ZSCAN20: variants seen among roughly 807,000 people sequenced by gnomAD.
The protein encoded by ZSCAN20 is zinc finger and SCAN domain-containing protein 20.
Under a neutral mutation model 97.1 loss-of-function variants are expected in ZSCAN20, and 39 were observed. That is an observed-to-expected ratio of 0.40 (90% confidence interval 0.31 to 0.52). ZSCAN20 has a LOEUF of 0.52. ZSCAN20 is among the 20% of genes least tolerant of loss of function. ZSCAN20 has a pLI of 0.49. For missense variants in ZSCAN20, 1,115 were observed against 1,290.4 expected, an observed-to-expected ratio of 0.86 and a Z score of 2.08; for synonymous variants, 456 against 467.3, an observed-to-expected ratio of 0.98 and a Z score of 0.31.
At position 33,495,591 on chromosome 1, in the gene ZSCAN20, T is replaced by C; in HGVS notation, c.*115T>C. The C allele has an allele frequency of 3.0e-6, 3 of 1,004,134 alleles. No individual in the cohort carries two copies. Among genetic ancestry groups the C allele is most frequent in the Non-Finnish European group, 4.0e-6 (3 of 746,358 alleles). 62.2% of individuals were successfully genotyped at this position (1,004,134 alleles called of 1,614,324 possible). A position where few individuals can be genotyped will look rare whatever the true frequency, so the allele number is the denominator to read the frequency against. ...GCTTGGTGTGTACCCAGGGAAGTTATCTTGGTATAAACCAGGTAATTTGGA... is the reference window on the plus strand; with the variant it reads ...GCTTGGTGTGTACCCAGGGAAGTTACCTTGGTATAAACCAGGTAATTTGGA... On this transcript the variant is annotated 3_prime_UTR_variant, in exon 8 of 8. Coordinates refer to ENST00000684572, the MANE Select transcript of ZSCAN20 (RefSeq NM_001377376.1).
rs1652858894 is a variant in ZSCAN20 at position 33,496,233 on chromosome 1, T to C, written c.*757T>C. The C allele has an allele frequency of 6.6e-6, 1 of 152,222 alleles. No homozygotes were observed. Among genetic ancestry groups the C allele is most frequent in the Non-Finnish European group, 1.5e-5 (1 of 68,042 alleles). 9.4% of individuals were successfully genotyped at this position (152,222 alleles called of 1,614,324 possible). ...CTGTCTTGAGTCTATCGTGCTCTTA[T>C]TGCTATACTGAATTCCCATTCATGT... On this transcript the variant is annotated 3_prime_UTR_variant, in exon 8 of 8. Coordinates refer to ENST00000684572, the MANE Select transcript of ZSCAN20 (RefSeq NM_001377376.1).
Position 33,479,260 on chromosome 1 carries a change from T to G in ZSCAN20, c.-29T>G, listed in dbSNP as rs752014447. 63 of 1,567,246 alleles carry G rather than the reference T, an allele frequency of 4.0e-5. No homozygotes were observed. Among genetic ancestry groups the G allele is most frequent in the Non-Finnish European group, 5.5e-5 (63 of 1,154,740 alleles). ...AGGAAGACATTGGATGAGGTCAGCA[T>G]AGCTGAAGTGAGGTGTCTGGGTTAG... On this transcript the variant is annotated 5_prime_UTR_variant, in exon 2 of 8. An upstream open reading frame in the 5' UTR loses its in-frame stop. Coordinates refer to ENST00000684572, the MANE Select transcript of ZSCAN20 (RefSeq NM_001377376.1).
Position 33,497,203 on chromosome 1 carries a change from C to G in ZSCAN20, c.*1727C>G, listed in dbSNP as rs72660149. 6.6e-6 allele frequency among the ~76,000 whole-genome samples: 1 copy of G among 152,276 alleles called. No individual in the cohort carries two copies. The highest frequency in any genetic ancestry group is 1.5e-5 in the Non-Finnish European group (1 of 68,022). On this transcript the variant is annotated 3_prime_UTR_variant, in exon 8 of 8. Transcript: ENST00000684572. ...GTGATATCCCTTCTTAACCCCTTCC[C>G]CTGCTTCAGAACCTCCTTTCCCAAG...
rs188374451 is a variant in ZSCAN20 at position 33,474,623 on chromosome 1, G to C, written c.-111+1932G>C. Among the ~76,000 whole-genome samples the C allele has an allele frequency of 2.0e-4, 31 of 152,330 alleles. No individual in the cohort carries two copies. In the East Asian group the frequency reaches 5.8e-3, roughly 28 times the overall value. On this transcript the variant is annotated intron_variant, in intron 1 of 7. Transcript: ENST00000684572. ...AAGAGAGCTTTGAGATCACTTAGCTGAATCTAAGTGGCAAAGCGACAGCCC... is the reference window on the plus strand; with the variant it reads ...AAGAGAGCTTTGAGATCACTTAGCTCAATCTAAGTGGCAAAGCGACAGCCC...
rs1336297420 is a variant in ZSCAN20, at chr1:33,499,653, C to A, written c.*4177C>A. Among the ~76,000 whole-genome samples, 1 of 152,210 alleles carries A rather than the reference C, an allele frequency of 6.6e-6. No homozygotes were observed. Among genetic ancestry groups the A allele is most frequent in the Non-Finnish European group, 1.5e-5 (1 of 68,042 alleles). On this transcript the variant is annotated 3_prime_UTR_variant, in exon 8 of 8. Transcript: ENST00000684572. ...GACTCAGTTCTGCCAATACTTTCTC[C>A]CTTCTAAGAGCATTTCCAGTTGGGC...
In ZSCAN20 at chr1:33,489,240, C is replaced by T. The variant is rs1481332825; in HGVS notation, c.681+49C>T. On this transcript the variant is annotated intron_variant, in intron 4 of 7. Coordinates refer to ENST00000684572, the MANE Select transcript of ZSCAN20 (RefSeq NM_001377376.1). Reference sequence around the variant, plus strand: ...TTCCTGTCATTGCTGCTCCTGTGCTCTTGCCCCCACAGTGTTCCTCCTCTC... The same window carrying T: ...TTCCTGTCATTGCTGCTCCTGTGCTTTTGCCCCCACAGTGTTCCTCCTCTC... 2.5e-6 allele frequency: 4 copies of T among 1,568,884 alleles called. No homozygotes were observed. In the African/African-American group the frequency reaches 4.0e-5, roughly 16 times the overall value.
chr1:33,472,771 G>A (rs912546040), intron 1 of ZSCAN20, 80 bp downstream of exon 1: 1 of 152,106 alleles, frequency 6.6e-6, no homozygotes, highest in East Asian at 1.9e-4. Flanking sequence ...TGACACAGGG[G>A]GCTGGGGAAG....
chr1:33,493,582 C>T lies in ZSCAN20; in HGVS notation c.1840C>T (p.Pro614Ser). ...GEVANEDAVK[P>S]STLCPKAPDM... ...AGTGGCCAATGAAGATGCTGTCAAA[C>T]CTTCAACCTTGTGTCCTAAAGCCCC... Residue 614 changes from proline to serine, a missense_variant, in exon 7 of 8, where the codon CCT becomes TCT. Physicochemically the swap from Pro to Ser is moderately conservative, Grantham distance 74 (BLOSUM62 -1). Coordinates refer to ENST00000684572, the MANE Select transcript of ZSCAN20 (RefSeq NM_001377376.1). The surrounding 1 kb of genome is among the most constrained non-coding windows in gnomAD (Gnocchi z 4.3). The T allele has an allele frequency of 6.3e-7, 1 of 1,598,196 alleles. No homozygotes were observed. The highest frequency in any genetic ancestry group is 1.1e-5 in the South Asian group (1 of 89,404).
Position 33,500,103 on chromosome 1 carries a change from C to G in ZSCAN20, c.*4627C>G, listed in dbSNP as rs1653014001. Reference sequence around the variant, plus strand: ...CAGCTCCTGGCTGTTTCTTCACACTCCCAGCATCACTATTACTGCTAGCAT... The same window carrying G: ...CAGCTCCTGGCTGTTTCTTCACACTGCCAGCATCACTATTACTGCTAGCAT... On this transcript the variant is annotated 3_prime_UTR_variant, in exon 8 of 8. Coordinates refer to ENST00000684572, the MANE Select transcript of ZSCAN20 (RefSeq NM_001377376.1). Among the ~76,000 whole-genome samples, 1 of 152,144 alleles carries G rather than the reference C, an allele frequency of 6.6e-6. No homozygotes were observed. Among genetic ancestry groups the G allele is most frequent in the Admixed American group, 6.5e-5 (1 of 15,272 alleles).
chr1:33,489,792 C>T (rs1652524537), intron 5 of ZSCAN20, among the ~76,000 whole-genome samples, 190 bp downstream of exon 5: 1 of 152,156 alleles, frequency 6.6e-6, no homozygotes, highest in African/African-American at 2.4e-5. Flanking sequence ...GACGGGGTGG[C>T]AGGATGGCTT....
chr1:33,484,090 A>G (rs1652260049), intron 2 of ZSCAN20, among the ~76,000 whole-genome samples: 1 of 152,204 alleles, frequency 6.6e-6, no homozygotes, highest in Non-Finnish European at 1.5e-5. Context: ...ATTAGTTCCC[A>G]GAAGTTTTTT....
rs767248409 is a variant in ZSCAN20, at chr1:33,474,245, C to G, written c.-111+1554C>G. Among the ~76,000 whole-genome samples the G allele has an allele frequency of 2.6e-5, 4 of 152,328 alleles. 1 individual carries two copies. Among genetic ancestry groups the G allele is most frequent in the Admixed American group, 2.6e-4 (4 of 15,298 alleles). ...ATTGAAGTTTCTGCTTTAAATGAAA[C>G]CTATTTGCTCTCCCTGGCTTAAGCC... On this transcript the variant is annotated intron_variant, in intron 1 of 7. Transcript: ENST00000684572.
At position 33,495,176 on chromosome 1, in the gene ZSCAN20, C is replaced by T. The variant is rs372737798; in HGVS notation, c.2832C>T (p.Ser944=). 7 of 1,613,372 alleles carry T rather than the reference C, an allele frequency of 4.3e-6. No homozygotes were observed. In the African/African-American group the frequency reaches 9.4e-5, roughly 22 times the overall value. Residue 944 remains serine (S), a synonymous_variant, in exon 8 of 8, where the codon TCC becomes TCT. Coordinates refer to ENST00000684572, the MANE Select transcript of ZSCAN20 (RefSeq NM_001377376.1). ...VDCGKCFSER[S]KLITHQRVHT... is the part of the protein sequence containing the mutation. ...GTGGGAAGTGCTTCAGTGAGCGCTC[C>T]AAGCTCATCACACACCAGAGAGTGC... is the stretch of plus-strand genomic sequence containing the variant.
rs1358022066 is a variant in ZSCAN20, at chr1:33,500,085, T to C, written c.*4609T>C. Among the ~76,000 whole-genome samples the C allele has an allele frequency of 1.3e-5, 2 of 152,178 alleles. No homozygotes were observed. The highest frequency in any genetic ancestry group is 4.8e-5 in the African/African-American group (2 of 41,448). On this transcript the variant is annotated 3_prime_UTR_variant, in exon 8 of 8. Coordinates refer to ENST00000684572, the MANE Select transcript of ZSCAN20 (RefSeq NM_001377376.1). The stretch of plus-strand genomic sequence containing the variant: ...CTGGATCCTTTTCCCCCACAGCTCC[T>C]GGCTGTTTCTTCACACTCCCAGCAT...
chr1:33,489,288 A>G, intron 4 of ZSCAN20, 97 bp downstream of exon 4: 1 of 1,331,004 alleles, frequency 7.5e-7, no homozygotes, highest in Non-Finnish European at 1.1e-6. Context: ...CTGCTCAGCA[A>G]AAGGGCATGA....
rs2148485312 is a variant in ZSCAN20, at chr1:33,497,757, A to G, written c.*2281A>G. Among the ~76,000 whole-genome samples, 1 of 152,244 alleles carries G rather than the reference A, an allele frequency of 6.6e-6. No homozygotes were observed. Among genetic ancestry groups the G allele is most frequent in the South Asian group, 2.1e-4 (1 of 4,820 alleles). On this transcript the variant is annotated 3_prime_UTR_variant, in exon 8 of 8. Coordinates refer to ENST00000684572, the MANE Select transcript of ZSCAN20 (RefSeq NM_001377376.1). ...GGGAAAGGTCTCAGAGGCAGAGGGG[A>G]GGACATCAGAGGAAAGCTAGAATGC...
rs1652456159 is a variant in ZSCAN20 at position 33,488,495 on chromosome 1, C to G, written c.448C>G (p.Pro150Ala). The G allele has an allele frequency of 2.5e-6, 4 of 1,614,010 alleles. No homozygotes were observed. The South Asian group carries it at 4.4e-5, about 18-fold the overall frequency. The change falls in exon 3 of 8, where the codon CCC becomes GCC. Residue 150 changes from proline to alanine, a missense_variant. Pro to Ala is a conservative substitution (Grantham distance 27, BLOSUM62 -1). Transcript: ENST00000684572. ...GGAATTGCATACAGAAGAGACCAGG[C>G]CCTTAAAGACAGGGGAAGAAGCTCA... Reference protein sequence around the residue: ...GLELHTEETRPLKTGEEAQSF... With the variant: ...GLELHTEETRALKTGEEAQSF...
Position 33,493,474 on chromosome 1 carries a change from A to T in ZSCAN20, c.1732A>T (p.Met578Leu). Reference sequence around the variant, plus strand: ...GAGGGCTCGGGCTGCAGTCAGGGCCATGGGGACTGTCCGAGAGGCTGCAGG... The same window carrying T: ...GAGGGCTCGGGCTGCAGTCAGGGCCTTGGGGACTGTCCGAGAGGCTGCAGG... ...LMRARAAVRA[M>L]GTVREAAGLP... The change falls in exon 7 of 8, where the codon ATG becomes TTG. Residue 578 changes from methionine to leucine, a missense_variant. Met to Leu is a conservative substitution (Grantham distance 15, BLOSUM62 2). This residue lies in a region of ZSCAN20 where 554 missense variants were observed against 584.9 expected (regional missense o/e 0.95). Coordinates refer to ENST00000684572, the MANE Select transcript of ZSCAN20 (RefSeq NM_001377376.1). The surrounding 1 kb of genome is among the most constrained non-coding windows in gnomAD (Gnocchi z 4.3). 6.2e-7 allele frequency: 1 copy of T among 1,614,204 alleles called. No homozygotes were observed. The highest frequency in any genetic ancestry group is 8.5e-7 in the Non-Finnish European group (1 of 1,180,036).
chr1:33,489,665 A>T (rs1652519640), intron 5 of ZSCAN20, 63 bp downstream of exon 5: 1 of 1,496,356 alleles, frequency 6.7e-7, no homozygotes, highest in African/African-American at 1.4e-5. Context: ...GTTCCCAAAG[A>T]GGGTTTTGCC....
Sources: allele counts gnomAD v4.1 joint callset (sites outside exome capture counted in the v4.1 genomes callset), GRCh38; gene constraint gnomAD v4.1.1; regional missense constraint gnomAD v4.1.1; non-coding constraint Gnocchi (gnomAD v3.1); transcripts MANE v1.5; gene names NCBI Gene and HGNC (gene_info 2026-07-23, HGNC 2026-07-21).